NIBAN3: variants seen among roughly 807,000 people sequenced by gnomAD.
NIBAN3 encodes protein Niban 3.
A neutral mutation model predicts 76.4 loss-of-function variants in NIBAN3; 66 were observed. That is an observed-to-expected ratio of 0.86 (90% CI 0.71 to 1.06). The LOEUF (loss-of-function observed/expected upper bound fraction) is 1.06. Ranked by LOEUF, NIBAN3 falls within the 50% of genes least tolerant of loss-of-function variation. NIBAN3 has a pLI of 0.00. For synonymous variants in NIBAN3, 360 were observed against 355.2 expected (o/e 1.01, Z -0.15); for missense variants, 808 against 810.7 (o/e 1.00, Z 0.04).
upstream of NIBAN3, among the ~76,000 whole-genome samples, chr19:17,524,092 C>T (rs1470692626): frequency 1.3e-5 from 2 of 152,008 alleles, no homozygotes; most frequent in African/African-American, 4.8e-5. Flanking sequence ...AGTTTCACCA[C>T]GCTGGCCAGG....
intron 5 of NIBAN3, 32 bp from the exon 6 acceptor site, chr19:17,539,118 A>G: frequency 6.5e-7 from 1 of 1,529,712 alleles, no homozygotes. Flanking sequence ...CAGGGGAGCT[A>G]CCAGCAGGCA....
intron 13 of NIBAN3, among the ~76,000 whole-genome samples, chr19:17,549,134 C>T (rs967258429): frequency 6.6e-6 from 1 of 152,130 alleles, no homozygotes; most frequent in African/African-American, 2.4e-5. Context: ...AATCCAGAAA[C>T]AGTTGACCTC....
In NIBAN3 at chr19:17,542,084, T is replaced by C. The variant is rs1226408971; in HGVS notation, c.1171-52T>C. The C allele has an allele frequency of 1.2e-6, 2 of 1,609,890 alleles. No individual in the cohort carries two copies. The highest frequency in any genetic ancestry group is 1.7e-6 in the Non-Finnish European group (2 of 1,176,640). ...GAATTGGTAATGGGGTCCCTGGCCC[T>C]TTGCAATCAGCTGACAGCATTTTTC... On this transcript the variant is annotated intron_variant, in intron 9 of 14. Transcript: ENST00000599164. The surrounding 1 kb of genome is among the most constrained non-coding windows in gnomAD (Gnocchi z 4.8).
At chr19:17,527,674 G>A (rs1321549832) in intron 1 of NIBAN3, among the ~76,000 whole-genome samples, 1 of 151,910 alleles carries the variant, frequency 6.6e-6, no homozygotes, top group Non-Finnish European at 1.5e-5. Context: ...AACCTCCCAA[G>A]TAGCTGGGAC....
rs542030378 is a variant in NIBAN3, at chr19:17,533,202, G to C, written c.313-385G>C. ...AGGCAAGTGGATCACCTGAGGTCAG[G>C]AGTTCAAGACCAGCCTGGGCAACAT... On this transcript the variant is annotated intron_variant, in intron 3 of 14. Transcript: ENST00000599164. Among the ~76,000 whole-genome samples the C allele has an allele frequency of 5.0e-4, 76 of 152,234 alleles. 1 individual carries two copies. Among genetic ancestry groups the C allele is most frequent in the Non-Finnish European group, 9.6e-4 (65 of 68,004 alleles).
In NIBAN3 at chr19:17,549,303, G is replaced by A. The variant is rs1819394957; in HGVS notation, c.1667-141G>A. 19 of 667,254 alleles carry A rather than the reference G, an allele frequency of 2.8e-5. 1 individual carries two copies. 41.3% of individuals were successfully genotyped at this position (667,254 alleles called of 1,614,324 possible). A position where few individuals can be genotyped will look rare whatever the true frequency, so the allele number is the denominator to read the frequency against. Reference sequence around the variant, plus strand: ...TCGGTTAGCAATGTCTGCCATGGGTGCGGGCTTGGAGAGAGGCTCTATGTG... The same window carrying A: ...TCGGTTAGCAATGTCTGCCATGGGTACGGGCTTGGAGAGAGGCTCTATGTG... On this transcript the variant is annotated intron_variant, in intron 13 of 14. Transcript: ENST00000599164.
At chr19:17,545,236 C>G (rs1456109615) in intron 12 of NIBAN3, 5 of 153,298 alleles carry the variant, frequency 3.3e-5, no homozygotes, top group African/African-American at 7.4e-5. Context: ...GAGTCTCACT[C>G]TGTCGCCCAG....
intron 2 of NIBAN3, 83 bp from the exon 3 acceptor site, chr19:17,532,180 G>T: frequency 6.6e-7 from 1 of 1,505,908 alleles, no homozygotes; most frequent in Non-Finnish European, 8.9e-7. Context: ...CGTCACCCCA[G>T]GATACAGCGG....
At chr19:17,530,918 G>A in intron 2 of NIBAN3, 33 bp downstream of exon 2, 3 of 1,604,354 alleles carry the variant, frequency 1.9e-6, no homozygotes, top group Non-Finnish European at 1.7e-6. Context: ...ACGTTTGAGT[G>A]TTAGGGGAGG....
At chr19:17,538,594 G>C (rs1305831055) in intron 5 of NIBAN3, among the ~76,000 whole-genome samples, 1 of 150,688 alleles carries the variant, frequency 6.6e-6, no homozygotes, top group Non-Finnish European at 1.5e-5. Flanking sequence ...CCGCACTTCA[G>C]CCTGAGCAAC....
At chr19:17,546,049 G>A in intron 12 of NIBAN3, 1 of 364,576 alleles carries the variant, frequency 2.7e-6, no homozygotes, top group Non-Finnish European at 5.6e-6. Context: ...CTAGACCAAG[G>A]AGCCCTTCTG....
chr19:17,533,595 A>T lies in NIBAN3; in HGVS notation c.321A>T (p.Glu107Asp). The part of the protein sequence containing the change: ...LEWFSHKEEY[E>D]NGGHCLGSTA... ...CTGGGTACCTTTTGTAGGAATATGA[A>T]AACGGGGGCCACTGCCTTGGCTCAA... is the stretch of plus-strand genomic sequence containing the variant. The change falls in exon 4 of 15, where the codon GAA becomes GAT. Residue 107 changes from glutamate (E) to aspartate (D), a missense_variant. Glu to Asp is a conservative substitution (Grantham distance 45). Transcript: ENST00000599164. 1 of 1,613,602 alleles carries T rather than the reference A, an allele frequency of 6.2e-7. No individual in the cohort carries two copies. The highest frequency in any genetic ancestry group is 8.5e-7 in the Non-Finnish European group (1 of 1,179,640).
upstream of NIBAN3, among the ~76,000 whole-genome samples, chr19:17,526,417 C>T (rs944125512): frequency 6.6e-6 from 1 of 151,528 alleles, no homozygotes; most frequent in Admixed American, 6.6e-5. Context: ...CCGAGGTGGG[C>T]GGATCACTTG....
chr19:17,524,633 G>A (rs2075587910), upstream of NIBAN3, among the ~76,000 whole-genome samples: 1 of 152,236 alleles, frequency 6.6e-6, no homozygotes, highest in South Asian at 2.1e-4. Flanking sequence ...TGGGCTGTTA[G>A]TGAAGATTAC....
chr19:17,551,085 T>G (rs1410956214), intron 14 of NIBAN3, among the ~76,000 whole-genome samples: 1 of 151,856 alleles, frequency 6.6e-6, no homozygotes, highest in East Asian at 1.9e-4. Context: ...CATTTCTTTT[T>G]CTTTTTATTT....
chr19:17,550,843 C>CTT (rs10690901), intron 14 of NIBAN3, among the ~76,000 whole-genome samples: 30,693 of 91,136 alleles, frequency 0.34, 7,874 homozygotes, highest in Non-Finnish European at 0.44. Flanking sequence ...CTTGTACATA[C>CTT]TTTTTTTTTT....
Position 17,543,617 on chromosome 19 carries a change from C to T in NIBAN3, c.1540C>T (p.Pro514Ser). The change falls in exon 12 of 15, where the codon CCA (proline) becomes TCA (serine). Residue 514 changes from proline to serine, a missense_variant. Transcript: ENST00000599164. The stretch of plus-strand genomic sequence containing the variant: ...ACCTTTTGTGCTGAGCCAACTCGAG[C>T]CAGGCTGCAAAAAGGTGAGTTAATG... ...FLPFVLSQLEPGCKKELPEFE... is the reference protein window; with the variant it reads ...FLPFVLSQLESGCKKELPEFE... 1 of 1,612,418 alleles carries T rather than the reference C, an allele frequency of 6.2e-7. No homozygotes were observed. The highest frequency in any genetic ancestry group is 8.5e-7 in the Non-Finnish European group (1 of 1,179,200).
At chr19:17,527,953 C>G (rs922332234) in intron 1 of NIBAN3, among the ~76,000 whole-genome samples, 4 of 152,056 alleles carry the variant, frequency 2.6e-5, no homozygotes, top group African/African-American at 4.8e-5. Context: ...ATCAACCTCC[C>G]AAAGTGCTGG....
At chr19:17,537,317 G>C in intron 4 of NIBAN3, 59 bp from the exon 5 acceptor site, 1 of 1,540,312 alleles carries the variant, frequency 6.5e-7, no homozygotes, top group Non-Finnish European at 8.9e-7. Flanking sequence ...ATGCATTTCA[G>C]GGGTATTTTC....
Sources: gnomAD v4.1 joint callset for allele counts (sites outside exome capture counted in the v4.1 genomes callset) on GRCh38, gnomAD v4.1.1 for gene constraint, Gnocchi (gnomAD v3.1) non-coding constraint, MANE v1.5 for transcripts, NCBI Gene and HGNC (gene_info 2026-07-23, HGNC 2026-07-21) for gene names.